TRAFD1: variants seen among roughly 807,000 people sequenced by gnomAD.
TRAFD1 encodes the protein TRAF-type zinc finger domain-containing protein 1.
In TRAFD1, 38 loss-of-function variants were observed where a neutral mutation model predicts 65.3. That is an observed-to-expected ratio of 0.58 (90% CI 0.45 to 0.76). TRAFD1 has a LOEUF of 0.76. Ranked by LOEUF, TRAFD1 falls within the 30% of genes least tolerant of loss-of-function variation. TRAFD1 has a pLI of 0.00. For synonymous variants in TRAFD1, 223 were observed against 257.2 expected (o/e 0.87, Z 1.27); for missense variants, 631 against 712.6 (o/e 0.89, Z 1.30).
chr12:112,145,011 G>A (rs1019140337), intron 6 of TRAFD1, among the ~76,000 whole-genome samples: 1 of 152,160 alleles, frequency 6.6e-6, no homozygotes, highest in Admixed American at 6.6e-5. Flanking sequence ...CTAAAATCTA[G>A]ATGGGTAGAA....
intron 7 of TRAFD1, among the ~76,000 whole-genome samples, chr12:112,146,974 G>A (rs1267120629): frequency 1.1e-4 from 17 of 149,934 alleles, no homozygotes; most frequent in African/African-American, 4.2e-4. Flanking sequence ...ATTACCTGAT[G>A]GAGGGAACTT....
chr12:112,138,481 C>G (rs992662667), intron 4 of TRAFD1, among the ~76,000 whole-genome samples: 1 of 151,368 alleles, frequency 6.6e-6, no homozygotes, highest in African/African-American at 2.4e-5. Flanking sequence ...ACCTGTGAGG[C>G]AGAGGTTGCA....
chr12:112,153,504 TGAAAACCA>T lies in TRAFD1; in HGVS notation c.*714_*721del, dbSNP rs1283755552. 3 of 152,230 alleles carry T rather than the reference TGAAAACCA, an allele frequency of 2.0e-5. No homozygotes were observed. Among genetic ancestry groups the T allele is most frequent in the Non-Finnish European group, 4.4e-5 (3 of 68,044 alleles). The allele number at this position is 152,230 out of a possible 1,614,324, so 9.4% of individuals were successfully genotyped here. A position where few individuals can be genotyped will look rare whatever the true frequency, so the allele number is the denominator to read the frequency against. On this transcript the variant is annotated 3_prime_UTR_variant, in exon 12 of 12. Transcript: ENST00000412615. ...CTCTGCCCCAGCCCCACACTTGCTC[TGAAAACCA>T]AGTGTCAGAGCCCCTTCCCCTTGTT... is the stretch of plus-strand genomic sequence containing the variant.
intron 8 of TRAFD1, 69 bp from the exon 9 acceptor site, chr12:112,149,682 C>T: frequency 6.3e-7 from 1 of 1,598,982 alleles, no homozygotes; most frequent in African/African-American, 1.3e-5. Flanking sequence ...ACTGCTGTTC[C>T]TCCCATCGCA....
intron 1 of TRAFD1, among the ~76,000 whole-genome samples, chr12:112,129,767 C>A (rs1045572975): frequency 6.6e-6 from 1 of 151,542 alleles, no homozygotes; most frequent in African/African-American, 2.4e-5. Context: ...CTCAGCCTCG[C>A]GAGTAGCTGG....
At chr12:112,126,871 C>T (rs1593860902) in intron 1 of TRAFD1, among the ~76,000 whole-genome samples, 1 of 152,142 alleles carries the variant, frequency 6.6e-6, no homozygotes, top group Non-Finnish European at 1.5e-5. Flanking sequence ...CCAGGCTGGT[C>T]TCGAACCCCA....
rs936974843 is a variant in TRAFD1 at position 112,137,356 on chromosome 12, A to G, written c.237+2290A>G. ...CAAGGAACCACGTGACAGTTTGTTC[A>G]GTTGAGCACAAGTTCCTTGCAGGAA... On this transcript the variant is annotated intron_variant, in intron 4 of 11. Transcript: ENST00000412615. The surrounding 1 kb of genome is among the most constrained non-coding windows in gnomAD (Gnocchi z 4.2). Among the ~76,000 whole-genome samples, 2 of 152,240 alleles carry G rather than the reference A, an allele frequency of 1.3e-5. No homozygotes were observed. Among genetic ancestry groups the G allele is most frequent in the African/African-American group, 4.8e-5 (2 of 41,468 alleles).
Position 112,152,387 on chromosome 12 carries a change from G to T in TRAFD1, c.1620-40G>T. On this transcript the variant is annotated intron_variant, in intron 10 of 11. Coordinates refer to ENST00000412615, the MANE Select transcript of TRAFD1 (RefSeq NM_006700.3). The surrounding 1 kb of genome is among the most constrained non-coding windows in gnomAD (Gnocchi z 5.0). The stretch of plus-strand genomic sequence containing the variant: ...CTCTGAGTTTGTTGACCTTTGCTCA[G>T]GGACACTTCAGGAGCTAGTTTCTAA... The T allele has an allele frequency of 6.2e-7, 1 of 1,607,038 alleles. No individual in the cohort carries two copies. Among genetic ancestry groups the T allele is most frequent in the South Asian group, 1.1e-5 (1 of 90,992 alleles).
intron 1 of TRAFD1, among the ~76,000 whole-genome samples, chr12:112,127,526 C>T (rs1340799136): frequency 1.3e-5 from 2 of 152,116 alleles, no homozygotes; most frequent in African/African-American, 4.8e-5. Context: ...GTGGTGTGAT[C>T]ACAACTCACT....
At position 112,143,631 on chromosome 12, in the gene TRAFD1, TA is replaced by T. The variant is rs549603900; in HGVS notation, c.850+1337del. Among the ~76,000 whole-genome samples the T allele has an allele frequency of 2.7e-3, 406 of 152,300 alleles. 5 individuals carry two copies. Among genetic ancestry groups the T allele is most frequent in the African/African-American group, 9.6e-3 (397 of 41,570 alleles). On this transcript the variant is annotated intron_variant, in intron 6 of 11. Transcript: ENST00000412615. ...TTAAGATTTTCACTTAGTGATTATA[TA>T]TTTCATTTTGAGTTCTGTTTGATCC... is the stretch of plus-strand genomic sequence containing the variant.
chr12:112,148,491 C>T (rs985503465), intron 8 of TRAFD1, among the ~76,000 whole-genome samples, 187 bp downstream of exon 8: 6 of 152,220 alleles, frequency 3.9e-5, no homozygotes. Context: ...TCAGACTTTC[C>T]CTCCCTTTGG....
chr12:112,153,210 C>G lies in TRAFD1; in HGVS notation c.*419C>G. ...TTTGGGGGCTTTTGGGCAACCTCTC[C>G]GTGTACTGCGTCTGTCCACACTCGA... is the stretch of plus-strand genomic sequence containing the variant. On this transcript the variant is annotated 3_prime_UTR_variant, in exon 12 of 12. Coordinates refer to ENST00000412615, the MANE Select transcript of TRAFD1 (RefSeq NM_006700.3). 1 of 181,922 alleles carries G rather than the reference C, an allele frequency of 5.5e-6. No individual in the cohort carries two copies. Among genetic ancestry groups the G allele is most frequent in the Middle Eastern group, 2.7e-3 (1 of 376 alleles). The allele number at this position is 181,922 out of a possible 1,614,324, so 11.3% of individuals were successfully genotyped here.
rs1349111648 is a variant in TRAFD1 at position 112,152,254 on chromosome 12, G to A, written c.1619+114G>A. ...AGACTGAGGTACTTGCATGGTAAGGGGAGGAGTATGGATTTTCCCTGTATT... is the reference window on the plus strand; with the variant it reads ...AGACTGAGGTACTTGCATGGTAAGGAGAGGAGTATGGATTTTCCCTGTATT... On this transcript the variant is annotated intron_variant, in intron 10 of 11. Transcript: ENST00000412615. This position sits in a 1 kb window ranked among gnomAD's most constrained non-coding sequence, Gnocchi z 5.0. 5 of 1,407,792 alleles carry A rather than the reference G, an allele frequency of 3.6e-6. No homozygotes were observed. Among genetic ancestry groups the A allele is most frequent in the Non-Finnish European group, 4.8e-6 (5 of 1,033,650 alleles). The allele number at this position is 1,407,792 out of a possible 1,614,324, so 87.2% of individuals were successfully genotyped here.
chr12:112,153,020 T>G lies in TRAFD1; in HGVS notation c.*229T>G. ...ACGCTTCAGCCTTAGCTGCTACCTT[T>G]CGGCAGCAGTGAAATACAAGCTGCA... On this transcript the variant is annotated 3_prime_UTR_variant, in exon 12 of 12. Coordinates refer to ENST00000412615, the MANE Select transcript of TRAFD1 (RefSeq NM_006700.3). The G allele has an allele frequency of 2.0e-6, 1 of 490,920 alleles. No homozygotes were observed. Among genetic ancestry groups the G allele is most frequent in the South Asian group, 3.2e-5 (1 of 31,658 alleles). The allele number at this position is 490,920 out of a possible 1,614,324, so 30.4% of individuals were successfully genotyped here.
At position 112,130,014 on chromosome 12, in the gene TRAFD1, A is replaced by G. The variant is rs935776726; in HGVS notation, c.-12-497A>G. On this transcript the variant is annotated intron_variant, in intron 1 of 11. Coordinates refer to ENST00000412615, the MANE Select transcript of TRAFD1 (RefSeq NM_006700.3). The surrounding 1 kb of genome is among the most constrained non-coding windows in gnomAD (Gnocchi z 4.4). ...ACCCAGGCTGGAGTGCAGTGGCATG[A>G]TCATGGCTCTCTGCAGCCTTAAACT... Among the ~76,000 whole-genome samples the G allele has an allele frequency of 6.6e-6, 1 of 151,818 alleles. No homozygotes were observed. Among genetic ancestry groups the G allele is most frequent in the Non-Finnish European group, 1.5e-5 (1 of 67,990 alleles).
At position 112,141,324 on chromosome 12, in the gene TRAFD1, C is replaced by T. The variant is rs139027772; in HGVS notation, c.643+100C>T. On this transcript the variant is annotated intron_variant, in intron 5 of 11. Transcript: ENST00000412615. The stretch of plus-strand genomic sequence containing the variant: ...CAGATAGATCTTGATTATAGAAACC[C>T]GACTGTAGCTGAGTAACACTGGGAA... 1,275 of 1,372,896 alleles carry T rather than the reference C, an allele frequency of 9.3e-4. 15 individuals are homozygous for T. The Admixed American group carries it at 0.015, about 16-fold the overall frequency. 85.0% of individuals were successfully genotyped at this position (1,372,896 alleles called of 1,614,324 possible). A position where few individuals can be genotyped will look rare whatever the true frequency, so the allele number is the denominator to read the frequency against.
intron 7 of TRAFD1, among the ~76,000 whole-genome samples, chr12:112,146,996 T>TTG (rs1555245258): frequency 8.3e-6 from 1 of 120,184 alleles, no homozygotes; most frequent in African/African-American, 3.2e-5. Flanking sequence ...TGTTTTTTTT[T>TTG]TTTTTTTTTT....
At position 112,151,814 on chromosome 12, in the gene TRAFD1, T is replaced by A; in HGVS notation, c.1293T>A (p.Ser431=). 1 of 1,613,048 alleles carries A rather than the reference T, an allele frequency of 6.2e-7. No homozygotes were observed. Among genetic ancestry groups the A allele is most frequent in the South Asian group, 1.1e-5 (1 of 91,062 alleles). The change falls in exon 10 of 12, where the codon TCT becomes TCA. Residue 431 remains serine (S), a synonymous_variant. Coordinates refer to ENST00000412615, the MANE Select transcript of TRAFD1 (RefSeq NM_006700.3). ...RRVRHQGDLS[S]GYLDDTKQET... is the part of the protein sequence containing the mutation. Reference sequence around the variant, plus strand: ...TTCTCTTCTCAGGAGACCTGTCTTCTGGTTACCTGGATGATACTAAGCAGG... The same window carrying A: ...TTCTCTTCTCAGGAGACCTGTCTTCAGGTTACCTGGATGATACTAAGCAGG...
At chr12:112,142,970 T>C (rs1372979030) in intron 6 of TRAFD1, among the ~76,000 whole-genome samples, 1 of 151,120 alleles carries the variant, frequency 6.6e-6, no homozygotes, top group Non-Finnish European at 1.5e-5. Flanking sequence ...CAGGTTGGAG[T>C]GCAATGGCAC....
Sources: gnomAD v4.1 joint callset for allele counts (sites outside exome capture counted in the v4.1 genomes callset) on GRCh38, gnomAD v4.1.1 for gene constraint, Gnocchi (gnomAD v3.1) non-coding constraint, MANE v1.5 for transcripts, NCBI Gene and HGNC (gene_info 2026-07-23, HGNC 2026-07-21) for gene names.